The following PRKAR1B variants were observed in gnomAD, a reference collection of about 807,000 sequenced individuals.
The protein encoded by PRKAR1B is protein kinase cAMP-dependent type I regulatory subunit beta.
In PRKAR1B, 22 loss-of-function variants were observed where a neutral mutation model predicts 46.5. The ratio of observed to expected loss-of-function variants is 0.47; its 90% CI spans 0.34 to 0.68. The LOEUF is 0.68. PRKAR1B is among the 30% of genes least tolerant of loss of function. The pLI, the probability that PRKAR1B is intolerant of heterozygous loss-of-function variation, is 0.01. For missense variants in PRKAR1B, 445 were observed against 535.6 expected (o/e 0.83, Z 1.67); for synonymous variants, 259 against 217.7 (o/e 1.19, Z -1.67).
rs563134133 is a variant in PRKAR1B, at chr7:700,483, G to T, written c.177+10846C>A. ...CTTGACAAATTATTCAACATATCAA[G>T]AACTAGGAAAGTCTGGCCAGTTCTC... On this transcript the variant is annotated intron_variant, in intron 2 of 10. Coordinates refer to ENST00000537384, the MANE Select transcript of PRKAR1B (RefSeq NM_001164760.2). 3.9e-5 allele frequency among the ~76,000 whole-genome samples: 6 copies of T among 152,224 alleles called. No homozygotes were observed. The South Asian group carries it at 1.0e-3, about 26-fold the overall frequency.
At chr7:579,177 G>A in intron 9 of PRKAR1B, 79 bp downstream of exon 9, 2 of 1,608,376 alleles carry the variant, frequency 1.2e-6, no homozygotes, top group South Asian at 1.1e-5. Context: ...GGGTGAGGCG[G>A]GCAGTGGAAG....
At chr7:617,491 C>G (rs181911028) in intron 4 of PRKAR1B, among the ~76,000 whole-genome samples, 7 of 152,222 alleles carry the variant, frequency 4.6e-5, no homozygotes, top group Middle Eastern at 3.4e-3. Context: ...ATTTTAAAAG[C>G]AAGCTAATTT....
chr7:656,994 T>TGGATGGATGGATGGAC (rs1785239070), intron 4 of PRKAR1B, among the ~76,000 whole-genome samples: 1 of 151,082 alleles, frequency 6.6e-6, no homozygotes, highest in East Asian at 1.9e-4. Flanking sequence ...GATGGATGAA[T>TGGATGGATGGATGGAC]GGATGGATGG....
At chr7:600,622 C>A (rs143061122) in intron 6 of PRKAR1B, among the ~76,000 whole-genome samples, 9,508 of 152,298 alleles carry the variant, frequency 0.062, 434 homozygotes, top group East Asian at 0.19. Flanking sequence ...GCTCCCCAGC[C>A]CCCCAGAAAG....
chr7:685,290 G>GTATATATACGTATATATATATACGTATA (rs1562615533), intron 2 of PRKAR1B, among the ~76,000 whole-genome samples: 1 of 13,120 alleles, frequency 7.6e-5, no homozygotes, highest in Non-Finnish European at 1.3e-4. Context: ...GTATATATAT[G>GTATATATACGTATATATATATACGTATA]TATACATATA....
At position 714,070 on chromosome 7, in the gene PRKAR1B, C is replaced by T. The variant is rs188596984; in HGVS notation, c.-22-2543G>A. On this transcript the variant is annotated intron_variant, in intron 1 of 10. Coordinates refer to ENST00000537384, the MANE Select transcript of PRKAR1B (RefSeq NM_001164760.2). The surrounding 1 kb of genome is among the most constrained non-coding windows in gnomAD (Gnocchi z 4.3). ...CAGCAGTACCATCACGTGCTCCCCG[C>T]GGCCCCTCCACTCCCTCCTCCTCCT... Among the ~76,000 whole-genome samples the T allele has an allele frequency of 2.0e-5, 3 of 152,314 alleles. No individual in the cohort carries two copies. Among genetic ancestry groups the T allele is most frequent in the Non-Finnish European group, 4.4e-5 (3 of 68,026 alleles).
intron 8 of PRKAR1B, among the ~76,000 whole-genome samples, chr7:583,271 G>A (rs929001834): frequency 3.9e-5 from 6 of 152,136 alleles, no homozygotes; most frequent in Non-Finnish European, 7.4e-5. Context: ...TTTCACAGAA[G>A]GATTTCAGAG....
chr7:582,850 G>A (rs1327318997), intron 8 of PRKAR1B, among the ~76,000 whole-genome samples: 1 of 152,242 alleles, frequency 6.6e-6, no homozygotes, highest in Non-Finnish European at 1.5e-5. Context: ...CCTGCGTTTG[G>A]GATTTTGCAG....
intron 4 of PRKAR1B, among the ~76,000 whole-genome samples, chr7:635,986 CCT>C (rs1487627722): frequency 3.1e-4 from 32 of 103,280 alleles, no homozygotes; most frequent in African/African-American, 5.8e-4. Flanking sequence ...CCGGCCGCGC[CCT>C]CACGTCCTCC....
At chr7:574,146 G>C (rs1327241624) in intron 9 of PRKAR1B, among the ~76,000 whole-genome samples, 1 of 152,240 alleles carries the variant, frequency 6.6e-6, no homozygotes, top group African/African-American at 2.4e-5. Flanking sequence ...GGGTCCTTGG[G>C]CTCAGCTGGG....
chr7:710,643 C>CTTTT (rs1177446855), intron 2 of PRKAR1B, among the ~76,000 whole-genome samples: 9 of 137,622 alleles, frequency 6.5e-5, no homozygotes, highest in Admixed American at 1.5e-4. Context: ...TTTCTTTTTC[C>CTTTT]TTTTTTTTTT....
At chr7:616,730 G>A (rs1782842131) in intron 4 of PRKAR1B, among the ~76,000 whole-genome samples, 1 of 152,214 alleles carries the variant, frequency 6.6e-6, no homozygotes, top group African/African-American at 2.4e-5. Flanking sequence ...GCTCTAAGGT[G>A]TGGTTCCCAG....
At chr7:583,821 C>CGCACACACACCCCCATGT (rs1438750432) in intron 8 of PRKAR1B, among the ~76,000 whole-genome samples, 2 of 151,702 alleles carry the variant, frequency 1.3e-5, no homozygotes, top group African/African-American at 4.8e-5. Flanking sequence ...TGCACACACA[C>CGCACACACACCCCCATGT]GCACACACAC....
chr7:627,556 C>T (rs570776487), intron 4 of PRKAR1B, among the ~76,000 whole-genome samples: 1 of 152,300 alleles, frequency 6.6e-6, no homozygotes, highest in Non-Finnish European at 1.5e-5. Flanking sequence ...CACGGCTGAC[C>T]CCCCCAATCC....
intron 4 of PRKAR1B, among the ~76,000 whole-genome samples, chr7:673,075 A>C (rs867129187): frequency 8.4e-5 from 12 of 142,172 alleles, no homozygotes; most frequent in African/African-American, 1.8e-4. Flanking sequence ...AAAAAAAAAA[A>C]AAACACACAC....
intron 4 of PRKAR1B, among the ~76,000 whole-genome samples, chr7:653,122 C>A (rs952373771): frequency 6.6e-6 from 1 of 152,220 alleles, no homozygotes; most frequent in Non-Finnish European, 1.5e-5. Flanking sequence ...CCTGGCATCA[C>A]ACTTGCTAAT....
chr7:617,581 G>A (rs1782898609), intron 4 of PRKAR1B, among the ~76,000 whole-genome samples: 1 of 152,190 alleles, frequency 6.6e-6, no homozygotes, highest in South Asian at 2.1e-4. Context: ...AGGCCAGCTG[G>A]TCAAGTCCCA....
intron 4 of PRKAR1B, among the ~76,000 whole-genome samples, chr7:632,406 C>T (rs969502170): frequency 9.9e-5 from 15 of 152,192 alleles, no homozygotes; most frequent in Admixed American, 6.5e-4. Context: ...TGCCCCCCAA[C>T]ACAGCCCCCC....
At chr7:563,748 CGTGT>C (rs764174743) in intron 9 of PRKAR1B, among the ~76,000 whole-genome samples, 3 of 151,162 alleles carry the variant, frequency 2.0e-5, no homozygotes, top group Admixed American at 1.3e-4. Flanking sequence ...TGTGTATGTA[CGTGT>C]GTGTGCTCAG....
Sources: allele counts gnomAD v4.1 joint callset (sites outside exome capture counted in the v4.1 genomes callset), GRCh38; gene constraint gnomAD v4.1.1; non-coding constraint Gnocchi (gnomAD v3.1); transcripts MANE v1.5; gene names NCBI Gene and HGNC (gene_info 2026-07-23, HGNC 2026-07-21).